Variants in SMARCAL1 observed in about 807,000 individuals in gnomAD.
The protein encoded by SMARCAL1 is SNF2 related chromatin remodeling annealing helicase 1.
SMARCAL1 carries 58 observed loss-of-function variants against 94.5 expected under a neutral mutation model. That is an observed-to-expected ratio of 0.61 (90% confidence interval 0.50 to 0.76). The LOEUF (loss-of-function observed/expected upper bound fraction) is 0.76, where lower values mean the gene tolerates loss of function less well. Among genes scored for constraint, SMARCAL1 ranks in the 30% least tolerant of loss-of-function variants. The pLI is 0.00. For synonymous variants in SMARCAL1, 422 were observed against 455.1 expected, an observed-to-expected ratio of 0.93 and a Z score of 0.93; for missense variants, 1,051 against 1,177.9, an observed-to-expected ratio of 0.89 and a Z score of 1.58.
At chr2:216,423,192 C>G (rs1022641641) in intron 5 of SMARCAL1, among the ~76,000 whole-genome samples, 8 of 152,138 alleles carry the variant, frequency 5.3e-5, no homozygotes, top group Non-Finnish European at 1.0e-4. Flanking sequence ...AACTTGTTTC[C>G]CATGTGTAAA....
At chr2:216,429,334 G>A (rs570154298) in intron 7 of SMARCAL1, among the ~76,000 whole-genome samples, 1 of 152,304 alleles carries the variant, frequency 6.6e-6, no homozygotes, top group East Asian at 1.9e-4. Flanking sequence ...TTGGTGATAG[G>A]CCTGTCCCTA....
At chr2:216,474,963 C>G (rs138842809) in intron 14 of SMARCAL1, among the ~76,000 whole-genome samples, 1 of 152,032 alleles carries the variant, frequency 6.6e-6, no homozygotes. Context: ...AACAAGAAAT[C>G]TGAAGATCAG....
At chr2:216,462,792 C>A (rs998248978) in intron 12 of SMARCAL1, among the ~76,000 whole-genome samples, 1 of 151,210 alleles carries the variant, frequency 6.6e-6, no homozygotes, top group African/African-American at 2.4e-5. Context: ...TTGAGACGGA[C>A]CTGGACAACA....
intron 12 of SMARCAL1, among the ~76,000 whole-genome samples, chr2:216,454,759 A>C (rs2086834): frequency 1.3e-5 from 2 of 152,198 alleles, no homozygotes. Flanking sequence ...TCCAGTCTAC[A>C]GCTCCCAGCG....
At chr2:216,438,354 A>C in intron 9 of SMARCAL1, 66 bp from the exon 10 acceptor site, 1 of 1,393,518 alleles carries the variant, frequency 7.2e-7, no homozygotes, top group Non-Finnish European at 1.0e-6. Flanking sequence ...GTCAAGCCTA[A>C]AGTGACCCAT....
chr2:216,429,113 C>T (rs754375378), intron 7 of SMARCAL1, among the ~76,000 whole-genome samples: 1 of 152,264 alleles, frequency 6.6e-6, no homozygotes, highest in African/African-American at 2.4e-5. Flanking sequence ...TCTCTCAGAT[C>T]TGCTTTCTGT....
At position 216,483,017 on chromosome 2, in the gene SMARCAL1, A is replaced by G. The variant is rs1393473508; in HGVS notation, c.*40A>G. ...AAAAAATAAAAAGCATTTTAAAATC[A>G]TGGAATTGAAATAAAATAATGTATT... On this transcript the variant is annotated 3_prime_UTR_variant, in exon 18 of 18. Transcript: ENST00000357276. 6.2e-7 allele frequency: 1 copy of G among 1,606,786 alleles called. No individual in the cohort carries two copies. Among genetic ancestry groups the G allele is most frequent in the South Asian group, 1.1e-5 (1 of 90,204 alleles).
chr2:216,444,183 C>T (rs1694256571), intron 10 of SMARCAL1, among the ~76,000 whole-genome samples: 3 of 152,202 alleles, frequency 2.0e-5, no homozygotes, highest in Admixed American at 2.0e-4. Context: ...TTGACCTTCT[C>T]TTTGATATTA....
Position 216,415,299 on chromosome 2 carries a change from C to G in SMARCAL1, c.595C>G (p.Pro199Ala). The G allele has an allele frequency of 6.2e-7, 1 of 1,614,248 alleles. No individual in the cohort carries two copies. Among genetic ancestry groups the G allele is most frequent in the Non-Finnish European group, 8.5e-7 (1 of 1,180,048 alleles). ...KLEAKTAKAS[P>A]SGQNISYIHS... Reference sequence around the variant, plus strand: ...AGAGGCCAAGACAGCAAAAGCCTCCCCTTCGGGGCAGAACATTTCTTACAT... The same window carrying G: ...AGAGGCCAAGACAGCAAAAGCCTCCGCTTCGGGGCAGAACATTTCTTACAT... The change falls in exon 3 of 18, where the codon CCT (proline) becomes GCT (alanine). Residue 199 changes from proline (P) to alanine (A), a missense_variant. Transcript: ENST00000357276.
chr2:216,475,564 T>G lies in SMARCAL1; in HGVS notation c.2427+113T>G, dbSNP rs1695057133. Reference sequence around the variant, plus strand: ...TTTCCCTTTTATCCATTCATTATACTTCCCACAAGTCAGTTTTCACTTCCT... The same window carrying G: ...TTTCCCTTTTATCCATTCATTATACGTCCCACAAGTCAGTTTTCACTTCCT... On this transcript the variant is annotated intron_variant, in intron 15 of 17. Transcript: ENST00000357276. The surrounding 1 kb of genome is among the most constrained non-coding windows in gnomAD (Gnocchi z 4.4). 2.1e-5 allele frequency: 23 copies of G among 1,073,088 alleles called. No homozygotes were observed. The South Asian group carries it at 2.9e-4, about 14-fold the overall frequency. The allele number at this position is 1,073,088 out of a possible 1,614,324, so 66.5% of individuals were successfully genotyped here. A position where few individuals can be genotyped will look rare whatever the true frequency, so the allele number is the denominator to read the frequency against.
intron 15 of SMARCAL1, among the ~76,000 whole-genome samples, chr2:216,476,085 C>T (rs942055678): frequency 9.2e-5 from 14 of 152,130 alleles, no homozygotes; most frequent in African/African-American, 3.4e-4. Flanking sequence ...GTTTCCTGGA[C>T]ACCACCACTG....
chr2:216,415,195 A>G lies in SMARCAL1; in HGVS notation c.491A>G (p.His164Arg). Residue 164 changes from histidine (H) to arginine (R), a missense_variant, in exon 3 of 18, where the codon CAT becomes CGT. Coordinates refer to ENST00000357276, the MANE Select transcript of SMARCAL1 (RefSeq NM_014140.4). ...TTCACACCCTTTGCTAACCCAACTC[A>G]TAAGCCTCTGGCCAAACCAAAGAGT... ...IRFTPFANPT[H>R]KPLAKPKSSQ... is the part of the protein sequence containing the mutation. 6 of 1,613,996 alleles carry G rather than the reference A, an allele frequency of 3.7e-6. No homozygotes were observed. The highest frequency in any genetic ancestry group is 5.1e-6 in the Non-Finnish European group (6 of 1,179,940).
intron 5 of SMARCAL1, among the ~76,000 whole-genome samples, chr2:216,422,395 A>G (rs1693743902): frequency 1.3e-5 from 2 of 152,068 alleles, no homozygotes; most frequent in Admixed American, 1.3e-4. Flanking sequence ...ATACAGTGAT[A>G]TGTGTCTATC....
intron 10 of SMARCAL1, among the ~76,000 whole-genome samples, chr2:216,438,920 A>G (rs1445185004): frequency 6.6e-6 from 1 of 152,208 alleles, no homozygotes; most frequent in Non-Finnish European, 1.5e-5. Context: ...GACGAGTTGT[A>G]TTAATGAAAG....
intron 5 of SMARCAL1, among the ~76,000 whole-genome samples, chr2:216,421,286 G>A (rs1693714137): frequency 1.3e-5 from 2 of 152,032 alleles, no homozygotes; most frequent in African/African-American, 4.8e-5. Flanking sequence ...CAACAGAATA[G>A]TTTTGCTGTA....
rs11408208 is a variant in SMARCAL1, at chr2:216,434,851, A to ATTTTT, written c.1486-471_1486-467dup. Among the ~76,000 whole-genome samples, 5 of 117,398 alleles carry ATTTTT rather than the reference A, an allele frequency of 4.3e-5. 1 individual carries two copies. The highest frequency in any genetic ancestry group is 2.0e-4 in the Admixed American group (2 of 10,164). 77.0% of individuals were successfully genotyped at this position (117,398 alleles called of 152,430 possible). The stretch of plus-strand genomic sequence containing the variant: ...CAAAGTGAGACCAACACAACTCTCT[A>ATTTTT]TTTTTTTTTTTTTTTTTTTTCTGAG... On this transcript the variant is annotated intron_variant, in intron 8 of 17. Transcript: ENST00000357276.
intron 10 of SMARCAL1, among the ~76,000 whole-genome samples, chr2:216,440,632 T>C (rs1298181961): frequency 6.6e-6 from 1 of 152,244 alleles, no homozygotes; most frequent in Non-Finnish European, 1.5e-5. Context: ...CATATAATGC[T>C]GGACTGTGGC....
intron 3 of SMARCAL1, chr2:216,415,847 T>G: frequency 2.4e-6 from 1 of 413,116 alleles, no homozygotes; most frequent in East Asian, 5.3e-5. Context: ...GTTTTTAAGG[T>G]GATGGAACTG....
intron 13 of SMARCAL1, among the ~76,000 whole-genome samples, chr2:216,467,094 C>A (rs1401440289): frequency 1.3e-5 from 2 of 152,184 alleles, no homozygotes; most frequent in African/African-American, 2.4e-5. Context: ...GGAGGGGGCA[C>A]CTAGCCAGGG....
Sources: allele counts gnomAD v4.1 joint callset (sites outside exome capture counted in the v4.1 genomes callset), GRCh38; gene constraint gnomAD v4.1.1; non-coding constraint Gnocchi (gnomAD v3.1); transcripts MANE v1.5; gene names NCBI Gene and HGNC (gene_info 2026-07-23, HGNC 2026-07-21).